CSGALNACT1: variants seen among roughly 807,000 people sequenced by gnomAD.
The protein encoded by CSGALNACT1 is beta4GalNAcT-1.
CSGALNACT1 carries 52 observed loss-of-function variants against 51.0 expected under a neutral mutation model. The ratio of observed to expected loss-of-function variants is 1.02; its 90% CI spans 0.82 to 1.29. The LOEUF is 1.29. Ranked by LOEUF, CSGALNACT1 falls within the 50% of genes most tolerant of loss-of-function variation. CSGALNACT1 has a pLI of 0.00. For missense variants in CSGALNACT1, 935 were observed against 679.2 expected, an observed-to-expected ratio of 1.38 and a Z score of -4.19; for synonymous variants, 341 against 254.4, an observed-to-expected ratio of 1.34 and a Z score of -3.24.
chr8:19,586,096 T>C (rs1187871142), intron 3 of CSGALNACT1, among the ~76,000 whole-genome samples: 2 of 152,056 alleles, frequency 1.3e-5, no homozygotes, highest in Non-Finnish European at 2.9e-5. Flanking sequence ...GGTGTGGTGG[T>C]TCATGCCTGT....
At chr8:19,449,224 A>T (rs554570992) in intron 5 of CSGALNACT1, among the ~76,000 whole-genome samples, 2 of 152,294 alleles carry the variant, frequency 1.3e-5, no homozygotes, top group African/African-American at 4.8e-5. Context: ...AGTGAAATCA[A>T]AACCAACTTC....
At chr8:19,426,093 G>A (rs1293988503) in intron 6 of CSGALNACT1, among the ~76,000 whole-genome samples, 2 of 152,184 alleles carry the variant, frequency 1.3e-5, no homozygotes, top group Non-Finnish European at 1.5e-5. Flanking sequence ...TACCTTCAGA[G>A]ATTATCCAGC....
intron 3 of CSGALNACT1, among the ~76,000 whole-genome samples, chr8:19,539,756 C>G (rs1273750467): frequency 6.6e-6 from 1 of 152,164 alleles, no homozygotes; most frequent in African/African-American, 2.4e-5. Context: ...AAAATGTTGG[C>G]CACATTGACT....
At chr8:19,553,274 A>G (rs1333896634) in intron 3 of CSGALNACT1, among the ~76,000 whole-genome samples, 1 of 152,122 alleles carries the variant, frequency 6.6e-6, no homozygotes, top group Non-Finnish European at 1.5e-5. Context: ...GAACCACACT[A>G]AAATAAAATT....
chr8:19,590,306 CT>C (rs1166903558), intron 3 of CSGALNACT1, among the ~76,000 whole-genome samples: 1 of 152,328 alleles, frequency 6.6e-6, no homozygotes, highest in East Asian at 1.9e-4. Flanking sequence ...GATATTTTAA[CT>C]TTGTGGCAGA....
intron 8 of CSGALNACT1, among the ~76,000 whole-genome samples, chr8:19,413,744 C>A (rs537106797): frequency 3.3e-5 from 5 of 152,142 alleles, no homozygotes; most frequent in African/African-American, 1.2e-4. Context: ...ATTTAACTGA[C>A]GGGTAAGACC....
At chr8:19,426,082 C>T (rs752321176) in intron 6 of CSGALNACT1, among the ~76,000 whole-genome samples, 5 of 152,192 alleles carry the variant, frequency 3.3e-5, no homozygotes, top group Admixed American at 6.5e-5. Context: ...TACTTTTTTT[C>T]TACCTTCAGA....
In CSGALNACT1 at chr8:19,651,959, C is replaced by G. The variant is rs758325681; in HGVS notation, c.-544+30514G>C. Among the ~76,000 whole-genome samples, 152 of 151,706 alleles carry G rather than the reference C, an allele frequency of 1.0e-3. 1 individual carries two copies. The highest frequency in any genetic ancestry group is 1.8e-3 in the Non-Finnish European group (120 of 67,938). On this transcript the variant is annotated intron_variant, in intron 1 of 9. Transcript: ENST00000332246. ...TGTTTTGACTTTTTTTAGACAGGCT[C>G]TCACTCTGCCACCCAGACTAGAGTA... is the stretch of plus-strand genomic sequence containing the variant.
At chr8:19,434,808 A>G (rs535872720) in intron 6 of CSGALNACT1, among the ~76,000 whole-genome samples, 1 of 152,174 alleles carries the variant, frequency 6.6e-6, no homozygotes, top group South Asian at 2.1e-4. Flanking sequence ...ATTTTAGCAA[A>G]TGAGATGGTT....
chr8:19,596,400 C>G (rs2048907437), intron 2 of CSGALNACT1, among the ~76,000 whole-genome samples: 3 of 152,044 alleles, frequency 2.0e-5, no homozygotes, highest in Non-Finnish European at 4.4e-5. Context: ...AAATCAAACC[C>G]TGGAGTGTGT....
At chr8:19,520,958 G>C (rs138586869) in intron 3 of CSGALNACT1, among the ~76,000 whole-genome samples, 28 of 152,292 alleles carry the variant, frequency 1.8e-4, no homozygotes, top group African/African-American at 6.7e-4. Context: ...CTACAGAGGT[G>C]CTTTCGCAGA....
chr8:19,756,469 G>C (rs1450923831), intron 1 of CSGALNACT1, among the ~76,000 whole-genome samples: 1 of 152,216 alleles, frequency 6.6e-6, no homozygotes, highest in Non-Finnish European at 1.5e-5. Context: ...TCGATGAAAA[G>C]ATAACTTCAA....
At chr8:19,484,975 G>A (rs190294110) in intron 4 of CSGALNACT1, among the ~76,000 whole-genome samples, 160 of 152,152 alleles carry the variant, frequency 1.1e-3, no homozygotes, top group African/African-American at 3.0e-3. Context: ...AGAGCCCTCC[G>A]AAAAAACCAG....
chr8:19,569,331 C>A (rs1414955861), intron 3 of CSGALNACT1, among the ~76,000 whole-genome samples: 1 of 152,168 alleles, frequency 6.6e-6, no homozygotes, highest in Non-Finnish European at 1.5e-5. Context: ...TAACTTGACT[C>A]ACACTGCTGA....
intron 1 of CSGALNACT1, among the ~76,000 whole-genome samples, chr8:19,623,347 G>A (rs1404954120): frequency 1.3e-5 from 2 of 152,128 alleles, no homozygotes; most frequent in South Asian, 4.1e-4. Context: ...GTTCACAGAG[G>A]AAACAGGAAA....
chr8:19,720,015 C>T (rs983496201), intron 1 of CSGALNACT1, among the ~76,000 whole-genome samples: 1 of 152,126 alleles, frequency 6.6e-6, no homozygotes, highest in Non-Finnish European at 1.5e-5. Flanking sequence ...TCACTTTTTG[C>T]CCTTTAGACT....
Position 19,420,464 on chromosome 8 carries a change from C to T in CSGALNACT1, c.1008G>A (p.Arg336=), listed in dbSNP as rs1036140248. 3.1e-6 allele frequency: 5 copies of T among 1,614,210 alleles called. 1 individual carries two copies. In the South Asian group the frequency reaches 5.5e-5, roughly 18 times the overall value. Reference sequence around the variant, plus strand: ...GGGCTCCAACATCAAGTCCCTTTCCCCGAGAAAATTCTCCATTCAGCTGGA... The same window carrying T: ...GGGCTCCAACATCAAGTCCCTTTCCTCGAGAAAATTCTCCATTCAGCTGGA... The change falls in exon 7 of 10, where the codon CGG becomes CGA. Residue 336 remains arginine, a synonymous_variant. Transcript: ENST00000454498.
At chr8:19,553,924 C>T (rs1051555437) in intron 3 of CSGALNACT1, among the ~76,000 whole-genome samples, 7 of 151,638 alleles carry the variant, frequency 4.6e-5, no homozygotes, top group African/African-American at 1.7e-4. Context: ...CACACACACA[C>T]ACCCAGAATC....
At chr8:19,582,873 A>C (rs571621200) in intron 3 of CSGALNACT1, among the ~76,000 whole-genome samples, 112 of 152,262 alleles carry the variant, frequency 7.4e-4, no homozygotes, top group African/African-American at 2.6e-3. Flanking sequence ...TAATTGTAGT[A>C]AAAAGAGCAC....
Sources: gnomAD v4.1 joint callset for allele counts (sites outside exome capture counted in the v4.1 genomes callset) on GRCh38, gnomAD v4.1.1 for gene constraint, MANE v1.5 for transcripts, NCBI Gene and HGNC (gene_info 2026-07-23, HGNC 2026-07-21) for gene names.